ARID2: variants seen among roughly 807,000 people sequenced by gnomAD.
ARID2 encodes AT-rich interaction domain 2, also known as AT-rich interactive domain-containing protein 2.
A neutral mutation model predicts 184.6 loss-of-function variants in ARID2; 32 were observed. The ratio of observed to expected loss-of-function variants is 0.17; its 90% CI spans 0.13 to 0.23. The LOEUF is 0.23. Ranked by LOEUF, ARID2 falls within the 10% of genes least tolerant of loss-of-function variation. The pLI is 1.00. For synonymous variants in ARID2, 836 were observed against 772.6 expected, an observed-to-expected ratio of 1.08 and a Z score of -1.36; for missense variants, 1,696 against 2,197.6, an observed-to-expected ratio of 0.77 and a Z score of 4.56.
chr12:45,828,431 A>G (rs1425781007), intron 6 of ARID2, among the ~76,000 whole-genome samples: 1 of 152,054 alleles, frequency 6.6e-6, no homozygotes, highest in Non-Finnish European at 1.5e-5. Flanking sequence ...AGGGTTTTAT[A>G]TATGCATTTT....
At chr12:45,899,608 A>AAT (rs991280640) in intron 20 of ARID2, among the ~76,000 whole-genome samples, 18 of 142,650 alleles carry the variant, frequency 1.3e-4, no homozygotes, top group Admixed American at 5.0e-4. Flanking sequence ...TCCATCTCAA[A>AAT]ATATATATAT....
chr12:45,883,101 T>A (rs1944131149), intron 16 of ARID2, among the ~76,000 whole-genome samples: 1 of 152,190 alleles, frequency 6.6e-6, no homozygotes, highest in Non-Finnish European at 1.5e-5. Flanking sequence ...TTTGAACTAA[T>A]GAGCCTTCAT....
At chr12:45,787,234 T>TA (rs71067907) in intron 3 of ARID2, among the ~76,000 whole-genome samples, 2 of 150,268 alleles carry the variant, frequency 1.3e-5, no homozygotes, top group East Asian at 1.9e-4. Context: ...TTTTTTTTTT[T>TA]AAAGACAGGG....
chr12:45,879,470 C>T (rs549637119), intron 16 of ARID2, among the ~76,000 whole-genome samples: 1 of 152,294 alleles, frequency 6.6e-6, no homozygotes, highest in African/African-American at 2.4e-5. Context: ...AAACTGACCT[C>T]CCGCCCCAAG....
chr12:45,897,647 A>G (rs976651058), intron 20 of ARID2, among the ~76,000 whole-genome samples: 4 of 152,182 alleles, frequency 2.6e-5, no homozygotes, highest in Admixed American at 2.6e-4. Context: ...ATTGAAAGAT[A>G]TGTTTACACC....
At position 45,852,248 on chromosome 12, in the gene ARID2, C is replaced by T. The variant is rs1943565367; in HGVS notation, c.4125C>T (p.Asn1375=). The change falls in exon 15 of 21, where the codon AAC becomes AAT. Residue 1375 remains asparagine, a synonymous_variant. Transcript: ENST00000334344. ...GAGATGGTTCTCATTTAAGCAAAAACATTCCAAATCATAAAACTTCCAATC... is the reference window on the plus strand; with the variant it reads ...GAGATGGTTCTCATTTAAGCAAAAATATTCCAAATCATAAAACTTCCAATC... ...DKGDGSHLSK[N]IPNHKTSNHV... 6.2e-7 allele frequency: 1 copy of T among 1,614,076 alleles called. No homozygotes were observed. Among genetic ancestry groups the T allele is most frequent in the Middle Eastern group, 1.6e-4 (1 of 6,062 alleles).
rs1049630457 is a variant in ARID2 at position 45,852,854 on chromosome 12, G to A, written c.4731G>A (p.Lys1577=). 6.2e-7 allele frequency: 1 copy of A among 1,610,712 alleles called. No individual in the cohort carries two copies. Among genetic ancestry groups the A allele is most frequent in the Non-Finnish European group, 8.5e-7 (1 of 1,177,992 alleles). The change falls in exon 15 of 21, where the codon AAG becomes AAA. Residue 1577 remains lysine (K), a synonymous_variant. Coordinates refer to ENST00000334344, the MANE Select transcript of ARID2 (RefSeq NM_152641.4). ...KVAIESAVQQ[K]QQHPPTYVQN... is the part of the protein sequence containing the mutation. ...CAATAGAAAGTGCTGTTCAGCAAAAGCAACAGCATCCACCAACATATGTAC... is the reference window on the plus strand; with the variant it reads ...CAATAGAAAGTGCTGTTCAGCAAAAACAACAGCATCCACCAACATATGTAC...
At chr12:45,833,219 T>C (rs1264761797) in intron 6 of ARID2, among the ~76,000 whole-genome samples, 1 of 152,126 alleles carries the variant, frequency 6.6e-6, no homozygotes, top group Non-Finnish European at 1.5e-5. Context: ...TTATTGGGGG[T>C]ATTAAATGCA....
chr12:45,742,302 A>G (rs1250512013), intron 3 of ARID2, among the ~76,000 whole-genome samples: 1 of 152,234 alleles, frequency 6.6e-6, no homozygotes, highest in Non-Finnish European at 1.5e-5. Flanking sequence ...AGATACACAA[A>G]TATTTAGCAT....
At chr12:45,902,672 G>A (rs1301410161) in intron 20 of ARID2, among the ~76,000 whole-genome samples, 1 of 151,376 alleles carries the variant, frequency 6.6e-6, no homozygotes, top group African/African-American at 2.4e-5. Context: ...GCTGGGATTA[G>A]TAGCCTCCCA....
At chr12:45,806,732 G>T (rs1483920138) in intron 3 of ARID2, among the ~76,000 whole-genome samples, 1 of 152,040 alleles carries the variant, frequency 6.6e-6, no homozygotes, top group African/African-American at 2.4e-5. Flanking sequence ...TACTGTACTG[G>T]ATTTTTTTGC....
intron 6 of ARID2, among the ~76,000 whole-genome samples, chr12:45,827,015 A>G (rs1479014300): frequency 6.6e-6 from 1 of 152,076 alleles, no homozygotes; most frequent in African/African-American, 2.4e-5. Context: ...TAAATAATCC[A>G]TATTTTCAGA....
At chr12:45,853,268 T>C (rs1338626289) in intron 15 of ARID2, among the ~76,000 whole-genome samples, 1 of 152,184 alleles carries the variant, frequency 6.6e-6, no homozygotes, top group Non-Finnish European at 1.5e-5. Flanking sequence ...GGGATTTCTG[T>C]ATTTGATTTT....
At chr12:45,828,799 T>C (rs745534783) in intron 6 of ARID2, among the ~76,000 whole-genome samples, 29 of 152,062 alleles carry the variant, frequency 1.9e-4, no homozygotes, top group Non-Finnish European at 3.8e-4. Context: ...ATTATCTTTT[T>C]GATTTGTAAG....
chr12:45,900,892 G>T (rs1365059778), intron 20 of ARID2, among the ~76,000 whole-genome samples: 1 of 151,876 alleles, frequency 6.6e-6, no homozygotes, highest in Non-Finnish European at 1.5e-5. Context: ...CCATTTCTTT[G>T]TATGTGATCT....
chr12:45,739,430 TAA>T (rs1182837704), intron 3 of ARID2, among the ~76,000 whole-genome samples: 2 of 134,492 alleles, frequency 1.5e-5, no homozygotes, highest in Non-Finnish European at 3.1e-5. Flanking sequence ...GGATAAAATA[TAA>T]AGTTACTTTT....
chr12:45,899,342 C>A (rs1029989821), intron 20 of ARID2, among the ~76,000 whole-genome samples: 5 of 145,098 alleles, frequency 3.4e-5, no homozygotes, highest in Non-Finnish European at 7.5e-5. Flanking sequence ...TGGTGGCTCA[C>A]ACCTGTAATC....
In ARID2 at chr12:45,874,436, C is replaced by G. The variant is rs114277684; in HGVS notation, c.4922+13487C>G. The G allele has an allele frequency of 7.9e-3, 1,617 of 204,012 alleles. 30 individuals carry two copies. Among genetic ancestry groups the G allele is most frequent in the African/African-American group, 0.036 (1,532 of 43,100 alleles). The allele number at this position is 204,012 out of a possible 1,614,324, so 12.6% of individuals were successfully genotyped here. A position where few individuals can be genotyped will look rare whatever the true frequency, so the allele number is the denominator to read the frequency against. ...CCTTTGCTATCATTTCAACAGTGTT[C>G]ACAGCATCTTCACCAGGAGTAGATT... is the stretch of plus-strand genomic sequence containing the variant. On this transcript the variant is annotated intron_variant, in intron 16 of 20. Coordinates refer to ENST00000334344, the MANE Select transcript of ARID2 (RefSeq NM_152641.4).
At chr12:45,887,952 T>G (rs960829100) in intron 16 of ARID2, among the ~76,000 whole-genome samples, 1 of 152,032 alleles carries the variant, frequency 6.6e-6, no homozygotes, top group Non-Finnish European at 1.5e-5. Context: ...CAGAAGAAAG[T>G]TAAAGAAGCT....
Sources: allele counts gnomAD v4.1 joint callset (sites outside exome capture counted in the v4.1 genomes callset), GRCh38; gene constraint gnomAD v4.1.1; transcripts MANE v1.5; gene names NCBI Gene and HGNC (gene_info 2026-07-23, HGNC 2026-07-21).